FBN1: variants seen among roughly 807,000 people sequenced by gnomAD.
The protein encoded by FBN1 is fibrillin-1.
Under a neutral mutation model 365.1 loss-of-function variants are expected in FBN1, and 29 were observed. That is an observed-to-expected ratio of 0.08 (90% CI 0.06 to 0.11). FBN1 has a LOEUF of 0.11. Ranked by LOEUF, FBN1 falls within the 10% of genes least tolerant of loss-of-function variation. The pLI, the probability that FBN1 is intolerant of heterozygous loss-of-function variation, is 1.00. For missense variants in FBN1, 2,476 were observed against 3,703.2 expected (o/e 0.67, Z 8.60); for synonymous variants, 1,210 against 1,270.5 (o/e 0.95, Z 1.01).
intron 43 of FBN1, among the ~76,000 whole-genome samples, chr15:48,457,813 T>A (rs1027574550): frequency 7.9e-5 from 12 of 152,058 alleles, no homozygotes; most frequent in Non-Finnish European, 1.8e-4. Context: ...AACTAAGAGA[T>A]GAAGCAAGTG....
At chr15:48,468,726 T>A (rs2043343311) in intron 36 of FBN1, among the ~76,000 whole-genome samples, 192 bp from the exon 37 acceptor site, 1 of 152,122 alleles carries the variant, frequency 6.6e-6, no homozygotes, top group Admixed American at 6.6e-5. Context: ...TAGTCTTTGG[T>A]GGTCTTTCCC....
chr15:48,547,338 G>A (rs904254889), intron 6 of FBN1, among the ~76,000 whole-genome samples: 1 of 152,112 alleles, frequency 6.6e-6, no homozygotes, highest in African/African-American at 2.4e-5. Context: ...TGGCGTGGTG[G>A]GTGGGATTTC....
intron 6 of FBN1, among the ~76,000 whole-genome samples, chr15:48,548,078 C>T (rs887782228): frequency 6.6e-6 from 1 of 152,184 alleles, no homozygotes; most frequent in Non-Finnish European, 1.5e-5. Context: ...TCAGTACGTG[C>T]TCAGATATCA....
rs753145685 is a variant in FBN1, at chr15:48,415,523, G to A, written c.8051+13C>T. ...AAGAATCTCCAACCATGACCAGGAAGAGCACTGCTTACCCTTGGCCTATGC... is the reference window on the plus strand; with the variant it reads ...AAGAATCTCCAACCATGACCAGGAAAAGCACTGCTTACCCTTGGCCTATGC... On this transcript the variant is annotated intron_variant, in intron 64 of 65. Coordinates refer to ENST00000316623, the MANE Select transcript of FBN1 (RefSeq NM_000138.5). The A allele has an allele frequency of 6.3e-7, 1 of 1,579,212 alleles. No individual in the cohort carries two copies. The highest frequency in any genetic ancestry group is 8.7e-7 in the Non-Finnish European group (1 of 1,148,288).
intron 58 of FBN1, among the ~76,000 whole-genome samples, chr15:48,426,809 C>T (rs2042982481): frequency 2.6e-5 from 4 of 152,182 alleles, no homozygotes; most frequent in Admixed American, 2.0e-4. Flanking sequence ...GTCACTCCAT[C>T]TTACCTTTCT....
At chr15:48,607,976 G>A (rs905396873) in intron 4 of FBN1, among the ~76,000 whole-genome samples, 1 of 152,308 alleles carries the variant, frequency 6.6e-6, no homozygotes, top group East Asian at 1.9e-4. Flanking sequence ...CTGTTTTGAC[G>A]CTGTCTAGCC....
chr15:48,425,276 G>T, intron 60 of FBN1, 93 bp downstream of exon 60: 1 of 1,559,310 alleles, frequency 6.4e-7, no homozygotes, highest in Non-Finnish European at 8.8e-7. Flanking sequence ...CTGTAGAGCA[G>T]GTCTTTCGGC....
At chr15:48,494,474 T>C (rs2043587320) in intron 22 of FBN1, among the ~76,000 whole-genome samples, 1 of 152,182 alleles carries the variant, frequency 6.6e-6, no homozygotes, top group Non-Finnish European at 1.5e-5. Flanking sequence ...TCCACTAAGA[T>C]ACTCCAAAAG....
rs1231145895 is a variant in FBN1 at position 48,453,304 on chromosome 15, AC to A, written c.5423-621del. ...AAAAAATAAAACAAACAAAAAAAAA[AC>A]ACACACAAAAAAAAAGGAAAAAAAA... On this transcript the variant is annotated intron_variant, in intron 44 of 65. Transcript: ENST00000316623. Among the ~76,000 whole-genome samples the A allele has an allele frequency of 0.015, 2,022 of 137,292 alleles. 154 individuals are homozygous for A. In the East Asian group the frequency reaches 0.23, roughly 16 times the overall value. The allele number at this position is 137,292 out of a possible 152,430, so 90.1% of individuals were successfully genotyped here.
intron 6 of FBN1, among the ~76,000 whole-genome samples, chr15:48,555,513 A>C (rs1230688202): frequency 1.3e-5 from 2 of 152,176 alleles, no homozygotes; most frequent in Non-Finnish European, 2.9e-5. Context: ...TATCAAAATG[A>C]ACATCTTCAT....
Position 48,460,230 on chromosome 15 carries a change from T to C in FBN1, c.5296+16A>G. 6.2e-7 allele frequency: 1 copy of C among 1,605,800 alleles called. No individual in the cohort carries two copies. The highest frequency in any genetic ancestry group is 8.5e-7 in the Non-Finnish European group (1 of 1,172,616). On this transcript the variant is annotated intron_variant, in intron 43 of 65. Transcript: ENST00000316623. ...GCAAAAAACCAGAAAGTTCTGACAA[T>C]GCCGTCATGACTCACCAACGGGTAA...
chr15:48,512,392 T>C (rs1292641956), intron 13 of FBN1, among the ~76,000 whole-genome samples: 1 of 152,192 alleles, frequency 6.6e-6, no homozygotes, highest in Non-Finnish European at 1.5e-5. Flanking sequence ...ACTTCTGTCA[T>C]GGGGGTTTGT....
intron 32 of FBN1, among the ~76,000 whole-genome samples, chr15:48,477,152 T>TC (rs1202855259): frequency 6.6e-6 from 1 of 152,218 alleles, no homozygotes. Context: ...GTATTATCAT[T>TC]TTCATATGGC....
intron 18 of FBN1, among the ~76,000 whole-genome samples, chr15:48,497,635 C>A (rs114913349): frequency 5.3e-5 from 8 of 152,078 alleles, no homozygotes; most frequent in African/African-American, 1.7e-4. Flanking sequence ...GATAACCAAT[C>A]CTTAATCAAG....
chr15:48,534,741 C>T (rs146049153), intron 7 of FBN1, among the ~76,000 whole-genome samples: 7 of 152,196 alleles, frequency 4.6e-5, no homozygotes, highest in African/African-American at 1.7e-4. Context: ...TGGAAATGTT[C>T]ACTTCACATT....
chr15:48,446,744 T>C lies in FBN1; in HGVS notation c.5750A>G (p.Asn1917Ser), dbSNP rs1476920517. The change falls in exon 47 of 66, where the codon AAT becomes AGT. Residue 1917 changes from asparagine to serine, a missense_variant. By Grantham distance (46) the Asn-to-Ser change is conservative. Transcript: ENST00000316623. ...GTTGTGAGAAAGGATGAAACCATGA[T>C]TGCAGCGGCAGTTGAAGGAACCAAT... is the stretch of plus-strand genomic sequence containing the variant. ...NTIGSFNCRC[N>S]HGFILSHNND... The C allele has an allele frequency of 6.2e-7, 1 of 1,613,246 alleles. No homozygotes were observed. The highest frequency in any genetic ancestry group is 1.3e-5 in the African/African-American group (1 of 74,884).
chr15:48,592,483 T>A (rs757999425), intron 6 of FBN1, among the ~76,000 whole-genome samples: 2 of 152,152 alleles, frequency 1.3e-5, no homozygotes, highest in Non-Finnish European at 2.9e-5. Flanking sequence ...TGTATTGTCA[T>A]TGCCAAAACA....
intron 6 of FBN1, among the ~76,000 whole-genome samples, chr15:48,546,330 TGGG>T (rs2044092984): frequency 6.6e-6 from 1 of 152,190 alleles, no homozygotes; most frequent in Non-Finnish European, 1.5e-5. Flanking sequence ...AGAGAATAAT[TGGG>T]TACACCTGCC....
intron 13 of FBN1, among the ~76,000 whole-genome samples, chr15:48,511,326 G>A (rs920986139): frequency 6.6e-6 from 1 of 151,856 alleles, no homozygotes; most frequent in Non-Finnish European, 1.5e-5. Context: ...AACAACCTAC[G>A]ATCTTTTTCT....
Sources: allele counts gnomAD v4.1 joint callset (sites outside exome capture counted in the v4.1 genomes callset), GRCh38; gene constraint gnomAD v4.1.1; transcripts MANE v1.5; gene names NCBI Gene and HGNC (gene_info 2026-07-23, HGNC 2026-07-21).